Variants in EXOC2 observed in about 807,000 individuals in gnomAD.
EXOC2 encodes the protein SEC5-like 1.
EXOC2 carries 70 observed loss-of-function variants against 131.8 expected under a neutral mutation model. The ratio of observed to expected loss-of-function variants is 0.53; its 90% CI spans 0.44 to 0.65. EXOC2 has a LOEUF of 0.65. EXOC2 is among the 30% of genes least tolerant of loss of function. EXOC2 has a pLI of 0.00. For synonymous variants in EXOC2, 411 were observed against 398.4 expected, an observed-to-expected ratio of 1.03 and a Z score of -0.38; for missense variants, 923 against 1,108.6, an observed-to-expected ratio of 0.83 and a Z score of 2.38.
chr6:663,651 A>T (rs1763513718), intron 1 of EXOC2, among the ~76,000 whole-genome samples: 1 of 152,204 alleles, frequency 6.6e-6, no homozygotes, highest in Admixed American at 6.5e-5. Flanking sequence ...GTCAATAAAT[A>T]TGATACACCA....
At chr6:680,193 T>C (rs1764338723) in intron 1 of EXOC2, among the ~76,000 whole-genome samples, 1 of 152,232 alleles carries the variant, frequency 6.6e-6, no homozygotes, top group Non-Finnish European at 1.5e-5. Context: ...TAAAGCATTG[T>C]ATCATTTCAT....
At chr6:673,576 A>G (rs932178602) in intron 1 of EXOC2, among the ~76,000 whole-genome samples, 5 of 152,214 alleles carry the variant, frequency 3.3e-5, no homozygotes, top group African/African-American at 9.7e-5. Context: ...TTTGAGATCT[A>G]TGTTTTCAGA....
At chr6:628,626 C>T (rs1308432089) in intron 4 of EXOC2, among the ~76,000 whole-genome samples, 1 of 152,128 alleles carries the variant, frequency 6.6e-6, no homozygotes, top group Non-Finnish European at 1.5e-5. Context: ...TCCTTTTGCC[C>T]ATGTATAAAA....
chr6:653,175 G>T (rs1438178023), intron 1 of EXOC2, among the ~76,000 whole-genome samples: 1 of 152,148 alleles, frequency 6.6e-6, no homozygotes, highest in Non-Finnish European at 1.5e-5. Flanking sequence ...CGACAATATT[G>T]AAAGTAGGCC....
intron 1 of EXOC2, among the ~76,000 whole-genome samples, chr6:655,421 C>T (rs1170744293): frequency 6.6e-6 from 1 of 152,160 alleles, no homozygotes; most frequent in Non-Finnish European, 1.5e-5. Context: ...ATCCAAAAAA[C>T]TCATCTGTCT....
At chr6:554,040 C>A in intron 20 of EXOC2, 120 bp from the exon 21 acceptor site, 7 of 704,880 alleles carry the variant, frequency 9.9e-6, no homozygotes, top group Admixed American at 7.0e-5. Flanking sequence ...GTGAAAGTCA[C>A]ATAACTTTTT....
chr6:548,320 G>C (rs916873702), intron 22 of EXOC2, among the ~76,000 whole-genome samples: 1 of 152,112 alleles, frequency 6.6e-6, no homozygotes, highest in Non-Finnish European at 1.5e-5. Flanking sequence ...GTAACCCTGA[G>C]TGCGTGTTGA....
chr6:510,992 A>G (rs1055351832), intron 23 of EXOC2, among the ~76,000 whole-genome samples: 2 of 152,226 alleles, frequency 1.3e-5, no homozygotes, highest in African/African-American at 4.8e-5. Flanking sequence ...GATTTTCACA[A>G]TTTCAAGAAG....
At chr6:491,908 G>C (rs1297351926) in intron 25 of EXOC2, among the ~76,000 whole-genome samples, 1 of 152,160 alleles carries the variant, frequency 6.6e-6, no homozygotes, top group Non-Finnish European at 1.5e-5. Flanking sequence ...ACCACTCAGT[G>C]GGGGAAGAAC....
intron 1 of EXOC2, among the ~76,000 whole-genome samples, chr6:659,257 G>C (rs1341244731): frequency 1.3e-5 from 2 of 152,178 alleles, no homozygotes; most frequent in African/African-American, 4.8e-5. Context: ...CTGAATAACA[G>C]TGGTGCCAGA....
At chr6:550,302 G>A (rs1384725907) in intron 21 of EXOC2, among the ~76,000 whole-genome samples, 2 of 152,058 alleles carry the variant, frequency 1.3e-5, no homozygotes, top group African/African-American at 2.4e-5. Flanking sequence ...CTATTTTTTT[G>A]GATATGTGAA....
intron 23 of EXOC2, among the ~76,000 whole-genome samples, chr6:510,996 C>G (rs895329821): frequency 6.6e-6 from 1 of 152,208 alleles, no homozygotes; most frequent in African/African-American, 2.4e-5. Context: ...TTCACAATTT[C>G]AAGAAGGTGT....
intron 17 of EXOC2, among the ~76,000 whole-genome samples, chr6:561,655 G>A (rs1379460696): frequency 6.6e-6 from 1 of 151,918 alleles, no homozygotes; most frequent in African/African-American, 2.4e-5. Flanking sequence ...GCGCGATCTC[G>A]GCTCACTGCA....
intron 2 of EXOC2, among the ~76,000 whole-genome samples, chr6:635,527 C>T (rs1762058666): frequency 6.6e-6 from 1 of 152,044 alleles, no homozygotes; most frequent in Admixed American, 6.5e-5. Context: ...ATTTCTTAAG[C>T]ACGTTTGCTA....
intron 23 of EXOC2, among the ~76,000 whole-genome samples, chr6:516,248 G>A (rs1765160074): frequency 6.6e-6 from 1 of 152,212 alleles, no homozygotes; most frequent in Non-Finnish European, 1.5e-5. Context: ...CTGACGCTGG[G>A]AGAATACGCA....
chr6:563,491 C>T (rs948354952), intron 16 of EXOC2, among the ~76,000 whole-genome samples: 1 of 152,184 alleles, frequency 6.6e-6, no homozygotes, highest in Non-Finnish European at 1.5e-5. Context: ...GCCATTTTAG[C>T]AATGTTCTTA....
chr6:530,062 C>T (rs745582962), intron 23 of EXOC2, among the ~76,000 whole-genome samples: 3 of 152,202 alleles, frequency 2.0e-5, no homozygotes, highest in African/African-American at 4.8e-5. Flanking sequence ...GTCTATGCAA[C>T]TACCATATGA....
Position 634,390 on chromosome 6 carries a change from T to C in EXOC2, c.119-1273A>G, listed in dbSNP as rs182076816. Among the ~76,000 whole-genome samples the C allele has an allele frequency of 9.9e-5, 15 of 152,268 alleles. No individual in the cohort carries two copies. The East Asian group carries it at 2.9e-3, about 29-fold the overall frequency. On this transcript the variant is annotated intron_variant, in intron 2 of 27. Transcript: ENST00000230449. ...GTGAGCCACCATGCCCGGCAGACAC[T>C]TCACACTTTTTCTCATTATTTAACT...
At chr6:523,558 T>C (rs1561813951) in intron 23 of EXOC2, among the ~76,000 whole-genome samples, 1 of 152,274 alleles carries the variant, frequency 6.6e-6, no homozygotes, top group Non-Finnish European at 1.5e-5. Context: ...TTTCACTTTA[T>C]TCTACTCTTG....
Sources: allele counts gnomAD v4.1 joint callset (sites outside exome capture counted in the v4.1 genomes callset), GRCh38; gene constraint gnomAD v4.1.1; transcripts MANE v1.5; gene names NCBI Gene and HGNC (gene_info 2026-07-23, HGNC 2026-07-21).